DNAH1: variants seen among roughly 807,000 people sequenced by gnomAD.
The protein encoded by DNAH1 is axonemal beta dynein heavy chain 1.
Under a neutral mutation model 484.3 loss-of-function variants are expected in DNAH1, and 327 were observed. The observed-to-expected ratio is 0.68, with a 90% CI of 0.62 to 0.74. The LOEUF (loss-of-function observed/expected upper bound fraction) is 0.74. Among genes scored for constraint, DNAH1 ranks in the 30% least tolerant of loss-of-function variants. DNAH1 has a pLI of 0.00. For missense variants in DNAH1, 5,052 were observed against 5,546.8 expected, an observed-to-expected ratio of 0.91 and a Z score of 2.83; for synonymous variants, 2,192 against 2,191.9, an observed-to-expected ratio of 1.00 and a Z score of 0.00.
At position 52,394,522 on chromosome 3, in the gene DNAH1, G is replaced by T. The variant is rs920363806; in HGVS notation, c.10684G>T (p.Ala3562Ser). ...GSISIMTENP[A>S]PDWLSDRAWR... ...CATCTCGATCATGACTGAGAATCCG[G>T]CACCGGACTGGCTGTCAGACCGGGC... Residue 3562 changes from alanine to serine, a missense_variant, in exon 67 of 78, where the codon GCA becomes TCA. Transcript: ENST00000420323. 1.2e-6 allele frequency: 2 copies of T among 1,613,990 alleles called. No homozygotes were observed. The highest frequency in any genetic ancestry group is 1.7e-6 in the Non-Finnish European group (2 of 1,179,860).
rs1027948997 is a variant in DNAH1, at chr3:52,364,070, C to G, written c.5245-568C>G. ...CAGCCTCTTCATGCAGCTCCAAGTCCGAGATTTCTGGAACATATGCTAGTC... is the reference window on the plus strand; with the variant it reads ...CAGCCTCTTCATGCAGCTCCAAGTCGGAGATTTCTGGAACATATGCTAGTC... On this transcript the variant is annotated intron_variant, in intron 32 of 77. Coordinates refer to ENST00000420323, the MANE Select transcript of DNAH1 (RefSeq NM_015512.5). This position sits in a 1 kb window ranked among gnomAD's most constrained non-coding sequence, Gnocchi z 4.2. Among the ~76,000 whole-genome samples the G allele has an allele frequency of 1.3e-5, 2 of 152,194 alleles. No individual in the cohort carries two copies. Among genetic ancestry groups the G allele is most frequent in the Non-Finnish European group, 2.9e-5 (2 of 68,040 alleles).
At position 52,358,650 on chromosome 3, in the gene DNAH1, C is replaced by A. The variant is rs373407673; in HGVS notation, c.4179C>A (p.Asn1393Lys). ...GCTTCTCCATCTACCCCTCCAGCAACGTGGAGGACTGGCTGCGGGAGGTGG... is the reference window on the plus strand; with the variant it reads ...GCTTCTCCATCTACCCCTCCAGCAAAGTGGAGGACTGGCTGCGGGAGGTGG... ...QLCFSIYPSSNVEDWLREVER... is the reference protein window; with the variant it reads ...QLCFSIYPSSKVEDWLREVER... Residue 1393 changes from asparagine (N) to lysine (K), a missense_variant, in exon 25 of 78, where the codon AAC becomes AAA. This residue lies in a region of DNAH1 where 2,929 missense variants were observed against 3,409.4 expected (regional missense o/e 0.86). Transcript: ENST00000420323. This position sits in a 1 kb window ranked among gnomAD's most constrained non-coding sequence, Gnocchi z 4.2. 1.9e-6 allele frequency: 3 copies of A among 1,613,234 alleles called. No homozygotes were observed. The East Asian group carries it at 6.7e-5, about 36-fold the overall frequency.
intron 45 of DNAH1, 107 bp from the exon 46 acceptor site, chr3:52,375,847 GA>G: frequency 7.4e-7 from 1 of 1,347,400 alleles, no homozygotes; most frequent in Non-Finnish European, 1.0e-6. Flanking sequence ...GGGGTTTGGG[GA>G]AAAGCTTACC....
rs1157865151 is a variant in DNAH1, at chr3:52,362,378, C to G, written c.4981-10C>G. 2 of 1,611,664 alleles carry G rather than the reference C, an allele frequency of 1.2e-6. No individual in the cohort carries two copies. The highest frequency in any genetic ancestry group is 2.7e-5 in the African/African-American group (2 of 74,988). On this transcript the variant is annotated splice_polypyrimidine_tract_variant and intron_variant, in intron 30 of 77. Transcript: ENST00000420323. The surrounding 1 kb of genome is among the most constrained non-coding windows in gnomAD (Gnocchi z 5.1). ...CTAGTCCCAGGCAAGTCAGCCTCTC[C>G]CCACTGCAGGTGGAACGCTTCATGT...
At chr3:52,317,401 T>G (rs1249110249) in intron 1 of DNAH1, among the ~76,000 whole-genome samples, 2 of 151,958 alleles carry the variant, frequency 1.3e-5, no homozygotes, top group African/African-American at 2.4e-5. Context: ...AATGGGTGGG[T>G]GTGGCTTTGT....
rs573057562 is a variant in DNAH1, at chr3:52,325,708, A to G, written c.407-432A>G. 2.6e-5 allele frequency among the ~76,000 whole-genome samples: 4 copies of G among 152,254 alleles called. No homozygotes were observed. In the South Asian group the frequency reaches 8.3e-4, roughly 32 times the overall value. On this transcript the variant is annotated intron_variant, in intron 3 of 77. Coordinates refer to ENST00000420323, the MANE Select transcript of DNAH1 (RefSeq NM_015512.5). ...AGTATCCAGGATGCCTCAAGCTGGC[A>G]ATGGCCTCAGGGAATGAATATCAGA...
intron 12 of DNAH1, 67 bp downstream of exon 12, chr3:52,348,041 C>T: frequency 1.3e-6 from 2 of 1,503,968 alleles, no homozygotes; most frequent in Non-Finnish European, 1.8e-6. Context: ...TCCCTGAGCT[C>T]AGGGTGCTGC....
chr3:52,366,379 C>T (rs1235164573), intron 34 of DNAH1, 78 bp from the exon 35 acceptor site: 9 of 1,206,720 alleles, frequency 7.5e-6, no homozygotes, highest in Non-Finnish European at 1.1e-5. Context: ...GTGACTCACC[C>T]AAGGTCACAC....
rs760244561 is a variant in DNAH1, at chr3:52,352,034, TGAG to T, written c.2806_2808del (p.Glu936del). On this transcript the variant is annotated inframe_deletion, in exon 17 of 78. Coordinates refer to ENST00000420323, the MANE Select transcript of DNAH1 (RefSeq NM_015512.5). ...TGGTGCAGCAGCAGCATGTGGAGGATGAGGAGAAGTTCCGCAAAATCCAGATCA... is the reference window on the plus strand; with the variant it reads ...TGGTGCAGCAGCAGCATGTGGAGGATGAGAAGTTCCGCAAAATCCAGATCA... 12 of 1,595,768 alleles carry T rather than the reference TGAG, an allele frequency of 7.5e-6. No individual in the cohort carries two copies. The highest frequency in any genetic ancestry group is 4.6e-5 in the South Asian group (4 of 87,566).
rs1420486839 is a variant in DNAH1, at chr3:52,399,093, C to G, written c.12333C>G (p.Val4111=). The G allele has an allele frequency of 1.2e-6, 2 of 1,614,096 alleles. No individual in the cohort carries two copies. The highest frequency in any genetic ancestry group is 8.5e-7 in the Non-Finnish European group (1 of 1,179,908). Residue 4111 remains valine, a synonymous_variant, in exon 76 of 78, where the codon GTC becomes GTG. Transcript: ENST00000420323. ...QAWIQDGIPA[V]FWISGFFFPQ... ...GGATCCAAGATGGCATCCCAGCTGT[C>G]TTCTGGATCAGTGGATTCTTCTTCC... is the stretch of plus-strand genomic sequence containing the variant.
At chr3:52,388,708 C>T (rs1241077417) in intron 58 of DNAH1, 98 bp from the exon 59 acceptor site, 1 of 1,604,700 alleles carries the variant, frequency 6.2e-7, no homozygotes, top group African/African-American at 1.3e-5. Context: ...GCTGTCCACA[C>T]CCCCTCCCTG....
rs758519946 is a variant in DNAH1 at position 52,388,616 on chromosome 3, A to C, written c.9363+7A>C. The C allele has an allele frequency of 6.2e-7, 1 of 1,611,730 alleles. No homozygotes were observed. The highest frequency in any genetic ancestry group is 8.5e-7 in the Non-Finnish European group (1 of 1,179,440). ...GCTGGGCCGAGCTGGCAAGGTGCGC[A>C]CCCTCCTCCTGCAAGGCCTGCAAGC... is the stretch of plus-strand genomic sequence containing the variant. On this transcript the variant is annotated splice_region_variant and intron_variant, in intron 58 of 77. Transcript: ENST00000420323.
At chr3:52,383,666 A>T in intron 51 of DNAH1, 72 bp downstream of exon 51, 3 of 1,458,622 alleles carry the variant, frequency 2.1e-6, no homozygotes, top group Non-Finnish European at 2.7e-6. Context: ...CCCCGGGGAC[A>T]CTGGATGCCA....
chr3:52,388,167 G>T lies in DNAH1; in HGVS notation c.9004G>T (p.Asp3002Tyr). 6.2e-7 allele frequency: 1 copy of T among 1,607,996 alleles called. No homozygotes were observed. The highest frequency in any genetic ancestry group is 8.5e-7 in the Non-Finnish European group (1 of 1,177,380). ...FLESLFKFDKDNIGDVVIKAI... is the reference protein window; with the variant it reads ...FLESLFKFDKYNIGDVVIKAI... Reference sequence around the variant, plus strand: ...TTGAGACCCAGGCTTCCCACCTCAGGACAACATTGGGGATGTGGTGATCAA... The same window carrying T: ...TTGAGACCCAGGCTTCCCACCTCAGTACAACATTGGGGATGTGGTGATCAA... The change falls in exon 57 of 78, where the codon GAC becomes TAC. Residue 3002 changes from aspartate to tyrosine, a missense_variant and splice_region_variant. By Grantham distance (160) the Asp-to-Tyr change is radical. Transcript: ENST00000420323.
rs1204259806 is a variant in DNAH1 at position 52,383,972 on chromosome 3, A to G, written c.8263A>G (p.Thr2755Ala). 4 of 1,611,554 alleles carry G rather than the reference A, an allele frequency of 2.5e-6. No individual in the cohort carries two copies. Among genetic ancestry groups the G allele is most frequent in the Non-Finnish European group, 3.4e-6 (4 of 1,178,888 alleles). Reference sequence around the variant, plus strand: ...GGCAGAAGCCCTGAAGTCTGTGGCCACCGTGTTCCTCAATGAGATCCCAGA... The same window carrying G: ...GGCAGAAGCCCTGAAGTCTGTGGCCGCCGTGTTCCTCAATGAGATCCCAGA... ...WPAEALKSVA[T>A]VFLNEIPELE... The change falls in exon 52 of 78, where the codon ACC becomes GCC. Residue 2755 changes from threonine to alanine, a missense_variant. Thr to Ala is a moderately conservative substitution (Grantham distance 58). This residue lies in a region of DNAH1 where 2,929 missense variants were observed against 3,409.4 expected (regional missense o/e 0.86). Transcript: ENST00000420323.
intron 1 of DNAH1, among the ~76,000 whole-genome samples, chr3:52,322,177 G>A (rs1485149168): frequency 1.3e-5 from 2 of 152,122 alleles, no homozygotes; most frequent in Non-Finnish European, 2.9e-5. Context: ...CTCTGGGTGG[G>A]CTCATTTCTC....
chr3:52,341,304 G>A (rs1191291792), intron 8 of DNAH1, among the ~76,000 whole-genome samples: 1 of 152,142 alleles, frequency 6.6e-6, no homozygotes. Flanking sequence ...ATTGGGTTCC[G>A]TAGAAGCAGA....
chr3:52,320,926 G>T (rs755656691), intron 1 of DNAH1, among the ~76,000 whole-genome samples: 1 of 143,586 alleles, frequency 7.0e-6, no homozygotes, highest in African/African-American at 2.6e-5. Context: ...TCAGCCTCCG[G>T]AGTAGCTAGG....
chr3:52,343,522 C>A (rs1702024609), intron 8 of DNAH1, among the ~76,000 whole-genome samples: 1 of 152,048 alleles, frequency 6.6e-6, no homozygotes, highest in Non-Finnish European at 1.5e-5. Context: ...GAGAGAGAGT[C>A]TTTTCCAGGT....
Sources: gnomAD v4.1 joint callset for allele counts (sites outside exome capture counted in the v4.1 genomes callset) on GRCh38, gnomAD v4.1.1 for gene constraint, gnomAD v4.1.1 regional missense constraint, Gnocchi (gnomAD v3.1) non-coding constraint, MANE v1.5 for transcripts, NCBI Gene and HGNC (gene_info 2026-07-23, HGNC 2026-07-21) for gene names.